UBAP1: variants seen among roughly 807,000 people sequenced by gnomAD.
The protein encoded by UBAP1 is ubiquitin associated protein 1.
A neutral mutation model predicts 39.0 loss-of-function variants in UBAP1; 5 were observed. That is an observed-to-expected ratio of 0.13 (90% CI 0.07 to 0.27). The LOEUF (loss-of-function observed/expected upper bound fraction) is 0.27, where lower values mean the gene tolerates loss of function less well. UBAP1 is among the 10% of genes least tolerant of loss of function. UBAP1 has a pLI of 1.00. For missense variants in UBAP1, 490 were observed against 608.1 expected (o/e 0.81, Z 2.04); for synonymous variants, 211 against 225.1 (o/e 0.94, Z 0.56).
At chr9:34,218,673 C>G (rs1832484784) in intron 1 of UBAP1, among the ~76,000 whole-genome samples, 2 of 152,040 alleles carry the variant, frequency 1.3e-5, no homozygotes, top group Non-Finnish European at 2.9e-5. Context: ...GTGGCTCATG[C>G]CTGTAATTGC....
At chr9:34,249,016 G>A (rs1157366667) in intron 4 of UBAP1, among the ~76,000 whole-genome samples, 1 of 152,072 alleles carries the variant, frequency 6.6e-6, no homozygotes, top group African/African-American at 2.4e-5. Flanking sequence ...CACTCTGTAC[G>A]CCTATCCGAC....
chr9:34,224,018 T>G, intron 2 of UBAP1: 4 of 499,080 alleles, frequency 8.0e-6, no homozygotes, highest in Non-Finnish European at 1.5e-5. Context: ...TTTCCTAAGA[T>G]AGAACTCCAA....
chr9:34,251,634 T>C lies in UBAP1; in HGVS notation c.*102T>C, dbSNP rs1834539099. ...GAAGGGGCAGCTTCCGGATTTTCTT[T>C]TGGGGGTTAGAAGGTCAGGTGTGGA... On this transcript the variant is annotated 3_prime_UTR_variant, in exon 7 of 7. Coordinates refer to ENST00000297661, the MANE Select transcript of UBAP1 (RefSeq NM_016525.5). The C allele has an allele frequency of 7.3e-7, 1 of 1,378,022 alleles. No homozygotes were observed. The highest frequency in any genetic ancestry group is 9.7e-7 in the Non-Finnish European group (1 of 1,029,468). The allele number at this position is 1,378,022 out of a possible 1,614,324, so 85.4% of individuals were successfully genotyped here.
At chr9:34,206,582 T>TAA (rs144167402) in intron 1 of UBAP1, among the ~76,000 whole-genome samples, 4 of 144,012 alleles carry the variant, frequency 2.8e-5, no homozygotes, top group African/African-American at 1.0e-4. Context: ...CATCTTGACT[T>TAA]AAAAAAAAAA....
Position 34,249,293 on chromosome 9 carries a change from C to T in UBAP1, c.1084-486C>T, listed in dbSNP as rs191954143. ...TGGGAACCACACTCACAGCCTCTGC[C>T]GAAGAGTAGAGACTTTGGGATAGAG... is the stretch of plus-strand genomic sequence containing the variant. On this transcript the variant is annotated intron_variant, in intron 4 of 6. Coordinates refer to ENST00000297661, the MANE Select transcript of UBAP1 (RefSeq NM_016525.5). Among the ~76,000 whole-genome samples the T allele has an allele frequency of 1.2e-4, 19 of 152,208 alleles. No individual in the cohort carries two copies. In the Middle Eastern group the frequency reaches 0.017, roughly 136 times the overall value.
At chr9:34,183,627 G>T (rs1830214147) in intron 1 of UBAP1, among the ~76,000 whole-genome samples, 1 of 149,100 alleles carries the variant, frequency 6.7e-6, no homozygotes, top group Admixed American at 6.7e-5. Flanking sequence ...AAGCTGAAAA[G>T]AAGCTTAGAA....
chr9:34,191,977 T>C (rs1007219608), intron 1 of UBAP1: 2 of 151,582 alleles, frequency 1.3e-5, no homozygotes, highest in Non-Finnish European at 2.9e-5. Context: ...GATTTTTTTT[T>C]TTAATTTTTT....
intron 2 of UBAP1, chr9:34,224,028 A>G: frequency 5.9e-6 from 3 of 508,400 alleles, no homozygotes; most frequent in Non-Finnish European, 1.1e-5. Flanking sequence ...TAGAACTCCA[A>G]CTCCTTCCCC....
intron 1 of UBAP1, among the ~76,000 whole-genome samples, chr9:34,193,684 A>G (rs1156839729): frequency 1.3e-5 from 2 of 152,202 alleles, no homozygotes; most frequent in African/African-American, 4.8e-5. Context: ...AATCTTACAA[A>G]GGATATAGAT....
At chr9:34,235,816 C>A (rs974373211) in intron 3 of UBAP1, among the ~76,000 whole-genome samples, 39 of 151,222 alleles carry the variant, frequency 2.6e-4, no homozygotes, top group African/African-American at 9.2e-4. Context: ...ACAGGTGGAC[C>A]ATTTTTAATC....
intron 1 of UBAP1, among the ~76,000 whole-genome samples, chr9:34,202,680 CCCGT>C (rs1005175145): frequency 1.5e-5 from 1 of 65,648 alleles, no homozygotes; most frequent in Non-Finnish European, 2.7e-5. Flanking sequence ...TGTGTGTGTC[CCCGT>C]CCCCGTATAT....
At chr9:34,184,926 C>CTTTTTTTTTT (rs35634769) in intron 1 of UBAP1, among the ~76,000 whole-genome samples, 2 of 105,116 alleles carry the variant, frequency 1.9e-5, no homozygotes, top group African/African-American at 3.9e-5. Context: ...CCAGCCAATC[C>CTTTTTTTTTT]TTTTTTTTTT....
At chr9:34,189,761 C>T (rs1201739859) in intron 1 of UBAP1, among the ~76,000 whole-genome samples, 1 of 151,820 alleles carries the variant, frequency 6.6e-6, no homozygotes, top group Non-Finnish European at 1.5e-5. Flanking sequence ...CTCAGTCTCC[C>T]GAGTAGCTGG....
At chr9:34,249,356 T>C (rs2380926) in intron 4 of UBAP1, among the ~76,000 whole-genome samples, 106,468 of 151,930 alleles carry the variant, frequency 0.7, 39,341 homozygotes, top group East Asian at 0.95. Flanking sequence ...TGAAAAATGA[T>C]GCCTCAGAAC....
intron 3 of UBAP1, among the ~76,000 whole-genome samples, chr9:34,240,597 C>T (rs919451148): frequency 3.9e-5 from 6 of 152,222 alleles, no homozygotes; most frequent in African/African-American, 1.4e-4. Flanking sequence ...GTGTAATTTG[C>T]TGTGTAAAAA....
intron 1 of UBAP1, among the ~76,000 whole-genome samples, chr9:34,202,600 T>C (rs1831438832): frequency 6.9e-6 from 1 of 145,294 alleles, no homozygotes; most frequent in African/African-American, 2.5e-5. Flanking sequence ...ATGGGAGTTA[T>C]GGGCCAGAAG....
chr9:34,196,916 G>GTA (rs1330933043), intron 1 of UBAP1, among the ~76,000 whole-genome samples: 1 of 151,440 alleles, frequency 6.6e-6, no homozygotes, highest in African/African-American at 2.4e-5. Context: ...GTGTGTGTGT[G>GTA]TGTGTGTGTG....
At chr9:34,200,638 TC>T (rs558494150) in intron 1 of UBAP1, among the ~76,000 whole-genome samples, 213 of 152,308 alleles carry the variant, frequency 1.4e-3, no homozygotes, top group Non-Finnish European at 2.5e-3. Flanking sequence ...ATGTAAAACA[TC>T]TAAGTTATGA....
intron 1 of UBAP1, 102 bp from the exon 2 acceptor site, chr9:34,220,806 C>A: frequency 2.1e-6 from 2 of 944,928 alleles, no homozygotes; most frequent in South Asian, 1.5e-5. Flanking sequence ...ATTCTGTCAG[C>A]CCTAAAACCT....
Sources: allele counts gnomAD v4.1 joint callset (sites outside exome capture counted in the v4.1 genomes callset), GRCh38; gene constraint gnomAD v4.1.1; transcripts MANE v1.5; gene names NCBI Gene and HGNC (gene_info 2026-07-23, HGNC 2026-07-21).